Variants in ZNF860 observed in about 807,000 individuals in gnomAD.
ZNF860 encodes zinc finger protein 860.
For synonymous variants in ZNF860, 206 were observed against 248.9 expected (o/e 0.83, Z 1.62); for missense variants, 641 against 759.2 (o/e 0.84, Z 1.83).
At position 31,989,002 on chromosome 3, in the gene ZNF860, A is replaced by T. The variant is rs956812166; in HGVS notation, c.-78A>T. 125 of 1,556,336 alleles carry T rather than the reference A, an allele frequency of 8.0e-5. No individual in the cohort carries two copies. The highest frequency in any genetic ancestry group is 1.5e-5 in the Non-Finnish European group (17 of 1,145,974). On this transcript the variant is annotated 5_prime_UTR_variant, in exon 2 of 2. Coordinates refer to ENST00000360311, the MANE Select transcript of ZNF860 (RefSeq NM_001137674.3). ...GTTTGTGATAATTTGTTTCTCGGAA[A>T]CAGATAACTAATACAGAGCAGGAAG...
the ZNF860 span, among the ~76,000 whole-genome samples, chr3:31,999,622 A>C: frequency 6.6e-6 from 1 of 152,004 alleles, no homozygotes. Context: ...TGGCCTCCCA[A>C]AGTGCTGGGA....
Position 31,989,865 on chromosome 3 carries a change from A to T in ZNF860, c.786A>T (p.Val262=), listed in dbSNP as rs1416818271. The T allele has an allele frequency of 8.1e-6, 13 of 1,614,180 alleles. No homozygotes were observed. Among genetic ancestry groups the T allele is most frequent in the Non-Finnish European group, 1.1e-5 (13 of 1,180,014 alleles). Residue 262 remains valine (V), a synonymous_variant, in exon 2 of 2, where the codon GTA becomes GTT. Transcript: ENST00000360311. ...GAGGGAAACAATATAAATGTGATGT[A>T]TGTGGCAAGGTCTTTAATCAGAAGC... The part of the protein sequence containing the change: ...YLGGKQYKCD[V]CGKVFNQKRY...
At chr3:32,005,833 A>G in the ZNF860 span, among the ~76,000 whole-genome samples, 1 of 151,958 alleles carries the variant, frequency 6.6e-6, no homozygotes, top group East Asian at 1.9e-4. Context: ...TGATCCGCCC[A>G]CCTCAGGACT....
At chr3:31,998,699 T>C in the ZNF860 span, among the ~76,000 whole-genome samples, 1 of 152,208 alleles carries the variant, frequency 6.6e-6, no homozygotes, top group Non-Finnish European at 1.5e-5. Flanking sequence ...TCAATTCTGC[T>C]CATACTGAGA....
At position 31,989,212 on chromosome 3, in the gene ZNF860, C is replaced by T. The variant is rs745668607; in HGVS notation, c.133C>T (p.Gln45Ter). The T allele has an allele frequency of 2.5e-6, 4 of 1,614,146 alleles. No homozygotes were observed. The highest frequency in any genetic ancestry group is 2.5e-6 in the Non-Finnish European group (3 of 1,180,044). The change falls in exon 2 of 2, where the codon CAG becomes TAG. Residue 45 changes from glutamine to a stop codon, truncating the protein, a stop_gained. Transcript: ENST00000360311. LOFTEE classifies it low-confidence loss of function (END_TRUNC). Reference sequence around the variant, plus strand: ...GGAGTGGAAATGCCTGGACCCTACGCAGAGGGCTTTATACAGGGCCATGAT... The same window carrying T: ...GGAGTGGAAATGCCTGGACCCTACGTAGAGGGCTTTATACAGGGCCATGAT... Reference protein sequence around the residue: ...LEEWKCLDPTQRALYRAMMLE... With the variant: ...LEEWKCLDPT
the ZNF860 span, among the ~76,000 whole-genome samples, chr3:32,003,192 T>G: frequency 6.6e-6 from 1 of 152,344 alleles, no homozygotes; most frequent in South Asian, 2.1e-4. Flanking sequence ...GAGGACTGCG[T>G]AACACTTACA....
Position 31,990,763 on chromosome 3 carries a change from G to A in ZNF860, c.1684G>A (p.Gly562Arg). ...TGAAACACATAAGAGAATTCATACT[G>A]GAGAGAAACCTTACAAATGTGATGA... The part of the protein sequence containing the change: ...HHETHKRIHT[G>R]EKPYKCDDFD... The change falls in exon 2 of 2, where the codon GGA (glycine) becomes AGA (arginine). Residue 562 changes from glycine to arginine, a missense_variant. Physicochemically the swap from Gly to Arg is moderately radical, Grantham distance 125 (BLOSUM62 -2). Coordinates refer to ENST00000360311, the MANE Select transcript of ZNF860 (RefSeq NM_001137674.3). 2.5e-6 allele frequency: 4 copies of A among 1,613,792 alleles called. No homozygotes were observed. The highest frequency in any genetic ancestry group is 3.4e-6 in the Non-Finnish European group (4 of 1,179,798).
In ZNF860 at chr3:31,991,274, C is replaced by A. The variant is rs139660663; in HGVS notation, c.*296C>A. The A allele has an allele frequency of 0.013, 3,978 of 316,842 alleles. 37 individuals carry two copies. Among genetic ancestry groups the A allele is most frequent in the Middle Eastern group, 0.027 (27 of 992 alleles). The allele number at this position is 316,842 out of a possible 1,614,324, so 19.6% of individuals were successfully genotyped here. On this transcript the variant is annotated 3_prime_UTR_variant, in exon 2 of 2. Coordinates refer to ENST00000360311, the MANE Select transcript of ZNF860 (RefSeq NM_001137674.3). ...CATCCTGGCCAAAAGACGTGAGCCA[C>A]TTTTCCTAGCCTGTTTTTTGTTTCT...
In ZNF860 at chr3:31,990,688, C is replaced by T; in HGVS notation, c.1609C>T (p.Pro537Ser). The change falls in exon 2 of 2, where the codon CCT (proline) becomes TCT (serine). Residue 537 changes from proline (P) to serine (S), a missense_variant. Pro to Ser is a moderately conservative substitution (Grantham distance 74). Transcript: ENST00000360311. ...TCATAGACTTCATACTGGAGAGAAA[C>T]CTTACAAATGTGAAGAATGTGACAC... ...RHHRLHTGEK[P>S]YKCEECDTVF... 1.9e-6 allele frequency: 3 copies of T among 1,614,108 alleles called. No individual in the cohort carries two copies. The highest frequency in any genetic ancestry group is 2.5e-6 in the Non-Finnish European group (3 of 1,180,012).
downstream of ZNF860, among the ~76,000 whole-genome samples, chr3:31,995,162 A>G (rs761089442): frequency 2.6e-5 from 4 of 152,226 alleles, no homozygotes; most frequent in Non-Finnish European, 4.4e-5. Context: ...CTTGATAAAC[A>G]TCTTAACAGA....
At position 31,990,119 on chromosome 3, in the gene ZNF860, G is replaced by A. The variant is rs757753989; in HGVS notation, c.1040G>A (p.Cys347Tyr). The part of the protein sequence containing the change: ...TGEKPYKCKV[C>Y]EKAFRRDSHL... ...GAGAAACCATACAAATGTAAGGTTTGTGAAAAGGCTTTCAGGCGTGATTCA... is the reference window on the plus strand; with the variant it reads ...GAGAAACCATACAAATGTAAGGTTTATGAAAAGGCTTTCAGGCGTGATTCA... The change falls in exon 2 of 2, where the codon TGT (cysteine) becomes TAT (tyrosine). Residue 347 changes from cysteine (C) to tyrosine (Y), a missense_variant. By Grantham distance (194) the Cys-to-Tyr change is radical. Coordinates refer to ENST00000360311, the MANE Select transcript of ZNF860 (RefSeq NM_001137674.3). The A allele has an allele frequency of 2.5e-6, 4 of 1,611,636 alleles. No homozygotes were observed. The South Asian group carries it at 4.4e-5, about 18-fold the overall frequency.
At position 31,989,146 on chromosome 3, in the gene ZNF860, C is replaced by T. The variant is rs1415876558; in HGVS notation, c.67C>T (p.His23Tyr). Residue 23 changes from histidine to tyrosine, a missense_variant, in exon 2 of 2, where the codon CAC becomes TAC. His to Tyr is a moderately conservative substitution (Grantham distance 83, BLOSUM62 2). Coordinates refer to ENST00000360311, the MANE Select transcript of ZNF860 (RefSeq NM_001137674.3). ...KEPGMALPQG[H>Y]LTFRDVAIEF... The stretch of plus-strand genomic sequence containing the variant: ...GCCAGGCATGGCTCTTCCTCAGGGA[C>T]ACTTGACTTTTAGGGATGTGGCTAT... 9 of 1,613,996 alleles carry T rather than the reference C, an allele frequency of 5.6e-6. No individual in the cohort carries two copies. In the Admixed American group the frequency reaches 1.5e-4, roughly 27 times the overall value.
Position 31,990,902 on chromosome 3 carries a change from A to T in ZNF860, c.1823A>T (p.His608Leu), listed in dbSNP as rs1300472977. ...GGCAAAGCCTTTACTTCACATTCAC[A>T]TCGCATTAGACATCAGAGAATCCAT... Reference protein sequence around the residue: ...DCGKAFTSHSHRIRHQRIHTG... With the variant: ...DCGKAFTSHSLRIRHQRIHTG... The change falls in exon 2 of 2, where the codon CAT becomes CTT. Residue 608 changes from histidine to leucine, a missense_variant. Transcript: ENST00000360311. 7 of 1,575,372 alleles carry T rather than the reference A, an allele frequency of 4.4e-6. No homozygotes were observed. Among genetic ancestry groups the T allele is most frequent in the Non-Finnish European group, 6.0e-6 (7 of 1,159,104 alleles).
Position 31,989,410 on chromosome 3 carries a change from G to C in ZNF860, c.331G>C (p.Asp111His), listed in dbSNP as rs766693763. 1.9e-6 allele frequency: 3 copies of C among 1,614,028 alleles called. No homozygotes were observed. Among genetic ancestry groups the C allele is most frequent in the Non-Finnish European group, 2.5e-6 (3 of 1,180,026 alleles). ...CCAGAAAATTGGGAAAGATATTCAT[G>C]ACTTTGAGTTTCAATGGCAAGAAGA... ...CFQKIGKDIH[D>H]FEFQWQEDKR... Residue 111 changes from aspartate to histidine, a missense_variant, in exon 2 of 2, where the codon GAC becomes CAC. Coordinates refer to ENST00000360311, the MANE Select transcript of ZNF860 (RefSeq NM_001137674.3).
chr3:32,003,781 T>A, the ZNF860 span, among the ~76,000 whole-genome samples: 2 of 152,114 alleles, frequency 1.3e-5, no homozygotes, highest in Admixed American at 1.3e-4. Flanking sequence ...AGGGCACCTC[T>A]CTCTGAGAGC....
At chr3:31,998,509 G>T in the ZNF860 span, among the ~76,000 whole-genome samples, 1 of 152,124 alleles carries the variant, frequency 6.6e-6, no homozygotes, top group Non-Finnish European at 1.5e-5. Context: ...ATTAACTTGG[G>T]ATTGCAATGA....
chr3:31,991,220 T>C lies in ZNF860; in HGVS notation c.*242T>C. 2.1e-6 allele frequency: 1 copy of C among 469,222 alleles called. No homozygotes were observed. The highest frequency in any genetic ancestry group is 3.9e-6 in the Non-Finnish European group (1 of 259,262). The allele number at this position is 469,222 out of a possible 1,614,324, so 29.1% of individuals were successfully genotyped here. A position where few individuals can be genotyped will look rare whatever the true frequency, so the allele number is the denominator to read the frequency against. ...CAGCACTGTGGGAGGTCAAGACGGA[T>C]AGATCACTTGAGGTCAGGAGTTTGA... On this transcript the variant is annotated 3_prime_UTR_variant, in exon 2 of 2. Coordinates refer to ENST00000360311, the MANE Select transcript of ZNF860 (RefSeq NM_001137674.3).
chr3:31,982,985 C>G (rs1698880392), intron 1 of ZNF860, among the ~76,000 whole-genome samples: 1 of 152,224 alleles, frequency 6.6e-6, no homozygotes, highest in Non-Finnish European at 1.5e-5. Context: ...CCATCTTTCT[C>G]TTTTCCTTAT....
chr3:31,984,798 C>T (rs753061706), intron 1 of ZNF860, among the ~76,000 whole-genome samples: 8 of 152,204 alleles, frequency 5.3e-5, no homozygotes, highest in Non-Finnish European at 1.0e-4. Flanking sequence ...TAGGGTTAGA[C>T]TATGAACTAA....
Sources: allele counts gnomAD v4.1 joint callset (sites outside exome capture counted in the v4.1 genomes callset), GRCh38; gene constraint gnomAD v4.1.1; transcripts MANE v1.5; gene names NCBI Gene and HGNC (gene_info 2026-07-23, HGNC 2026-07-21).